Variants in CYTH3 observed in about 807,000 individuals in gnomAD.
CYTH3 encodes the protein cytohesin-3.
CYTH3 carries 23 observed loss-of-function variants against 55.1 expected under a neutral mutation model. The ratio of observed to expected loss-of-function variants is 0.42; its 90% CI spans 0.30 to 0.59. The LOEUF (loss-of-function observed/expected upper bound fraction) is 0.59, where lower values mean the gene tolerates loss of function less well. Among genes scored for constraint, CYTH3 ranks in the 20% least tolerant of loss-of-function variants. CYTH3 has a pLI of 0.20. For synonymous variants in CYTH3, 249 were observed against 194.9 expected (o/e 1.28, Z -2.31); for missense variants, 413 against 524.8 (o/e 0.79, Z 2.08).
In CYTH3 at chr7:6,175,226, T is replaced by C. The variant is rs768487505; in HGVS notation, c.369-1493A>G. 5.3e-5 allele frequency among the ~76,000 whole-genome samples: 8 copies of C among 152,056 alleles called. No homozygotes were observed. The East Asian group carries it at 1.2e-3, about 22-fold the overall frequency. On this transcript the variant is annotated intron_variant, in intron 5 of 12. Transcript: ENST00000350796. ...TTACCTTTTTTTCAGGCTAGTCAAG[T>C]GAAGCAGTGGGAGTGGGGAAGGAAC...
At chr7:6,272,403 CGCCCTCGACCCCCAGCCCCCG>C (rs1780688668) in intron 1 of CYTH3, 50 bp downstream of exon 1, 1 of 1,217,522 alleles carries the variant, frequency 8.2e-7, no homozygotes, top group South Asian at 2.1e-5. Flanking sequence ...CCCAGCGCCG[CGCCCTCGACCCCCAGCCCCCG>C]GCCCCCGACC....
At chr7:6,224,120 C>T (rs1457894116) in intron 1 of CYTH3, among the ~76,000 whole-genome samples, 2 of 152,024 alleles carry the variant, frequency 1.3e-5, no homozygotes, top group African/African-American at 2.4e-5. Flanking sequence ...TGGACTCAAG[C>T]GATCCCCCTG....
chr7:6,255,292 G>A (rs550325231), intron 1 of CYTH3, among the ~76,000 whole-genome samples: 2 of 152,304 alleles, frequency 1.3e-5, no homozygotes, highest in South Asian at 4.1e-4. Context: ...CATACAGAAA[G>A]TATGAATACA....
intron 1 of CYTH3, among the ~76,000 whole-genome samples, chr7:6,217,927 A>C (rs1784463031): frequency 6.6e-6 from 1 of 152,174 alleles, no homozygotes. Flanking sequence ...TCATGCCTGT[A>C]ATCCCAACAC....
At chr7:6,242,213 A>C (rs981704364) in intron 1 of CYTH3, among the ~76,000 whole-genome samples, 1 of 151,328 alleles carries the variant, frequency 6.6e-6, no homozygotes, top group Non-Finnish European at 1.5e-5. Flanking sequence ...AGTAGCTGGG[A>C]CTACAGGCGC....
Position 6,163,056 on chromosome 7 carries a change from C to T in CYTH3, c.*1888G>A, listed in dbSNP as rs564291727. ...TTCAAGAACGCTGACTTGCCTTTCT[C>T]AGAACTAAAACTTCCGATTTGAGGT... On this transcript the variant is annotated 3_prime_UTR_variant, in exon 13 of 13. Coordinates refer to ENST00000350796, the MANE Select transcript of CYTH3 (RefSeq NM_004227.4). The T allele has an allele frequency of 6.5e-6, 1 of 152,804 alleles. No homozygotes were observed. The highest frequency in any genetic ancestry group is 2.1e-4 in the South Asian group (1 of 4,832). The allele number at this position is 152,804 out of a possible 1,614,324, so 9.5% of individuals were successfully genotyped here. A position where few individuals can be genotyped will look rare whatever the true frequency, so the allele number is the denominator to read the frequency against.
rs147488378 is a variant in CYTH3, at chr7:6,208,901, T to C, written c.35-18370A>G. On this transcript the variant is annotated intron_variant, in intron 1 of 12. Transcript: ENST00000350796. ...CTCCATCAGAAACACTTGGAGGTAATTGTCTAAAATAGAGTTCCTAGACCC... is the reference window on the plus strand; with the variant it reads ...CTCCATCAGAAACACTTGGAGGTAACTGTCTAAAATAGAGTTCCTAGACCC... 4.5e-4 allele frequency among the ~76,000 whole-genome samples: 68 copies of C among 152,330 alleles called. 1 individual carries two copies. The highest frequency in any genetic ancestry group is 3.5e-3 in the East Asian group (18 of 5,186).
intron 1 of CYTH3, among the ~76,000 whole-genome samples, chr7:6,229,673 C>T (rs1347008987): frequency 1.3e-5 from 2 of 150,612 alleles, no homozygotes; most frequent in Non-Finnish European, 3.0e-5. Context: ...AAAAATTAGC[C>T]GGGCATGGTG....
intron 9 of CYTH3, among the ~76,000 whole-genome samples, chr7:6,168,927 C>T (rs1002878110): frequency 3.3e-5 from 5 of 152,176 alleles, no homozygotes; most frequent in Admixed American, 6.5e-5. Context: ...CCACTTATCC[C>T]GGCCCCAGAG....
At chr7:6,238,106 G>C (rs1779573966) in intron 1 of CYTH3, among the ~76,000 whole-genome samples, 1 of 152,186 alleles carries the variant, frequency 6.6e-6, no homozygotes, top group South Asian at 2.1e-4. Context: ...AGTCTCCTTA[G>C]AGGTTATTAT....
intron 1 of CYTH3, among the ~76,000 whole-genome samples, chr7:6,220,506 G>A (rs1002536018): frequency 1.3e-5 from 2 of 149,496 alleles, no homozygotes; most frequent in Non-Finnish European, 3.0e-5. Flanking sequence ...AAAAACTTTT[G>A]CTCTGCAAAG....
rs937931563 is a variant in CYTH3 at position 6,243,509 on chromosome 7, TCAC to T, written c.34+28962_34+28964del. Among the ~76,000 whole-genome samples, 58 of 152,340 alleles carry T rather than the reference TCAC, an allele frequency of 3.8e-4. 1 individual carries two copies. The highest frequency in any genetic ancestry group is 1.7e-3 in the Admixed American group (26 of 15,304). On this transcript the variant is annotated intron_variant, in intron 1 of 12. Coordinates refer to ENST00000350796, the MANE Select transcript of CYTH3 (RefSeq NM_004227.4). ...CTGTTGGTTAAGAGTTTTTTCCACT[TCAC>T]CACACTTCTTCTGGCAGGTGGCATC...
At chr7:6,181,174 C>G (rs1043918731) in intron 4 of CYTH3, among the ~76,000 whole-genome samples, 5 of 152,154 alleles carry the variant, frequency 3.3e-5, no homozygotes, top group African/African-American at 1.2e-4. Flanking sequence ...TACTTAAATA[C>G]TGACATAAAT....
At chr7:6,225,377 G>A (rs1264508115) in intron 1 of CYTH3, among the ~76,000 whole-genome samples, 1 of 150,066 alleles carries the variant, frequency 6.7e-6, no homozygotes, top group Admixed American at 6.6e-5. Flanking sequence ...TTTTGAGACA[G>A]AGTTTCACTC....
chr7:6,232,151 A>G (rs114747856), intron 1 of CYTH3, among the ~76,000 whole-genome samples: 117 of 152,260 alleles, frequency 7.7e-4, no homozygotes, highest in African/African-American at 2.8e-3. Context: ...CCAATCCTTG[A>G]TAAGCATAAC....
chr7:6,251,978 T>C (rs1779982965), intron 1 of CYTH3, among the ~76,000 whole-genome samples: 1 of 152,210 alleles, frequency 6.6e-6, no homozygotes, highest in African/African-American at 2.4e-5. Context: ...CTTATGATCA[T>C]TACATTGATC....
intron 1 of CYTH3, among the ~76,000 whole-genome samples, chr7:6,225,920 T>A (rs1779239196): frequency 6.6e-6 from 1 of 150,572 alleles, no homozygotes; most frequent in South Asian, 2.1e-4. Context: ...CCTTGGGAGC[T>A]CAAGACCACA....
At chr7:6,240,152 A>G (rs1298135205) in intron 1 of CYTH3, among the ~76,000 whole-genome samples, 1 of 152,074 alleles carries the variant, frequency 6.6e-6, no homozygotes, top group East Asian at 1.9e-4. Flanking sequence ...CTAAAAACAC[A>G]AAAATGAGCC....
intron 5 of CYTH3, 26 bp downstream of exon 5, chr7:6,177,797 G>C (rs1301315466): frequency 6.4e-7 from 1 of 1,568,868 alleles, no homozygotes; most frequent in Non-Finnish European, 8.8e-7. Context: ...GCCCCAGGTA[G>C]GGCTTTGCAT....
Sources: allele counts gnomAD v4.1 joint callset (sites outside exome capture counted in the v4.1 genomes callset), GRCh38; gene constraint gnomAD v4.1.1; transcripts MANE v1.5; gene names NCBI Gene and HGNC (gene_info 2026-07-23, HGNC 2026-07-21).